Variants in KDM5A observed in about 807,000 individuals in gnomAD.
The protein encoded by KDM5A is lysine-specific demethylase 5A.
Under a neutral mutation model 193.5 loss-of-function variants are expected in KDM5A, and 42 were observed. The ratio of observed to expected loss-of-function variants is 0.22; its 90% CI spans 0.17 to 0.28. The LOEUF is 0.28. KDM5A is among the 10% of genes least tolerant of loss of function. The probability of loss-of-function intolerance (pLI) is 1.00; values close to 1 mark genes in which losing one functional copy is unlikely to be tolerated. For synonymous variants in KDM5A, 796 were observed against 718.1 expected (o/e 1.11, Z -1.73); for missense variants, 1,692 against 2,055.1 (o/e 0.82, Z 3.42).
intron 27 of KDM5A, among the ~76,000 whole-genome samples, chr12:287,062 C>T (rs1338883127): frequency 1.3e-5 from 2 of 152,122 alleles, no homozygotes; most frequent in Non-Finnish European, 2.9e-5. Context: ...ACACCTAATT[C>T]ACTGCCCAGG....
chr12:350,847 A>C, intron 9 of KDM5A, 68 bp from the exon 10 acceptor site: 1 of 1,382,030 alleles, frequency 7.2e-7, no homozygotes, highest in Non-Finnish European at 1.0e-6. Context: ...AACATAATAC[A>C]CAGGATCAAG....
rs144895374 is a variant in KDM5A at position 340,334 on chromosome 12, A to G, written c.1309-5912T>C. Among the ~76,000 whole-genome samples, 409 of 152,256 alleles carry G rather than the reference A, an allele frequency of 2.7e-3. 2 individuals carry two copies. Among genetic ancestry groups the G allele is most frequent in the African/African-American group, 7.2e-3 (299 of 41,560 alleles). On this transcript the variant is annotated intron_variant, in intron 10 of 27. Coordinates refer to ENST00000399788, the MANE Select transcript of KDM5A (RefSeq NM_001042603.3). The stretch of plus-strand genomic sequence containing the variant: ...GAAAGCAAATCCATTAGCCCCAGCC[A>G]AGCCTTGAAGAGACTGTATCCCATG...
At chr12:349,311 C>T (rs528326268) in intron 10 of KDM5A, among the ~76,000 whole-genome samples, 4 of 148,632 alleles carry the variant, frequency 2.7e-5, no homozygotes, top group South Asian at 4.2e-4. Flanking sequence ...TGAGCCCCCG[C>T]GCCCAGCCAT....
At chr12:345,622 C>T (rs1944062352) in intron 10 of KDM5A, among the ~76,000 whole-genome samples, 1 of 152,198 alleles carries the variant, frequency 6.6e-6, no homozygotes, top group South Asian at 2.1e-4. Flanking sequence ...CAAATCAAAA[C>T]CGCACAACTA....
intron 27 of KDM5A, among the ~76,000 whole-genome samples, chr12:291,418 T>C (rs1443308695): frequency 6.6e-6 from 1 of 152,214 alleles, no homozygotes; most frequent in Non-Finnish European, 1.5e-5. Context: ...GAGAACCTGG[T>C]CTGACAGCCA....
At chr12:386,034 T>C in intron 1 of KDM5A, 60 bp from the exon 2 acceptor site, 1 of 1,336,280 alleles carries the variant, frequency 7.5e-7, no homozygotes, top group Non-Finnish European at 1.1e-6. Context: ...ATGCATTAAT[T>C]ATTCCCTTAA....
intron 25 of KDM5A, 29 bp from the exon 26 acceptor site, chr12:295,822 CA>C (rs755238911): frequency 1.6e-5 from 26 of 1,590,380 alleles, no homozygotes; most frequent in East Asian, 1.1e-4. Context: ...TAAAACAAAG[CA>C]AAAAAAATTA....
At chr12:354,541 G>C (rs1407566354) in intron 7 of KDM5A, among the ~76,000 whole-genome samples, 1 of 152,160 alleles carries the variant, frequency 6.6e-6, no homozygotes, top group Admixed American at 6.5e-5. Flanking sequence ...GCCACAGTGG[G>C]CAGATCACGA....
At chr12:297,020 A>G in intron 25 of KDM5A, 21 bp downstream of exon 25, 1 of 1,612,096 alleles carries the variant, frequency 6.2e-7, no homozygotes, top group Non-Finnish European at 8.5e-7. Flanking sequence ...TGTTCCCCAC[A>G]GTTTTTTAAA....
chr12:333,866 A>C (rs551106441), intron 11 of KDM5A, among the ~76,000 whole-genome samples: 1 of 152,328 alleles, frequency 6.6e-6, no homozygotes, highest in South Asian at 2.1e-4. Context: ...TTATCACCAC[A>C]ATTAAAAAAG....
chr12:315,694 G>A (rs1943643455), intron 19 of KDM5A, among the ~76,000 whole-genome samples: 1 of 152,122 alleles, frequency 6.6e-6, no homozygotes, highest in Non-Finnish European at 1.5e-5. Flanking sequence ...GCATGACTGA[G>A]TTTGAGGATA....
At chr12:292,652 T>C in intron 27 of KDM5A, 107 bp downstream of exon 27, 2 of 1,407,702 alleles carry the variant, frequency 1.4e-6, no homozygotes, top group South Asian at 1.2e-5. Context: ...ATGTTGGAAG[T>C]CCAAATCCTA....
chr12:331,064 A>G (rs1160700688), intron 13 of KDM5A, among the ~76,000 whole-genome samples: 1 of 150,992 alleles, frequency 6.6e-6, no homozygotes. Flanking sequence ...TCAATATTAT[A>G]CTCTTTTAAA....
chr12:348,094 G>C (rs199676724), intron 10 of KDM5A, among the ~76,000 whole-genome samples: 2 of 152,228 alleles, frequency 1.3e-5, no homozygotes, highest in East Asian at 3.9e-4. Flanking sequence ...CCATCAAAAA[G>C]TGGGCAAAGG....
chr12:285,608 C>T lies in KDM5A; in HGVS notation c.4921G>A (p.Val1641Met). The T allele has an allele frequency of 6.2e-7, 1 of 1,614,068 alleles. No homozygotes were observed. The highest frequency in any genetic ancestry group is 8.5e-7 in the Non-Finnish European group (1 of 1,179,948). Residue 1641 changes from valine to methionine, a missense_variant, in exon 28 of 28, where the codon GTG becomes ATG. Val to Met is a conservative substitution (Grantham distance 21). This residue lies in a region of KDM5A where 23 missense variants were observed against 61.5 expected (regional missense o/e 0.37). Coordinates refer to ENST00000399788, the MANE Select transcript of KDM5A (RefSeq NM_001042603.3). ...TCAGCCATTTCTGGAGATACACCCA[C>T]ACAAACTTGATGAAACCACTCATCA... ...GCDEWFHQVC[V>M]GVSPEMAENE...
intron 3 of KDM5A, among the ~76,000 whole-genome samples, chr12:366,845 A>T (rs910784425): frequency 6.6e-6 from 1 of 152,246 alleles, no homozygotes; most frequent in Non-Finnish European, 1.5e-5. Flanking sequence ...GCACTGCATA[A>T]CATTTTGGTC....
intron 12 of KDM5A, 90 bp from the exon 13 acceptor site, chr12:332,028 A>C: frequency 8.0e-7 from 1 of 1,256,698 alleles, no homozygotes; most frequent in Non-Finnish European, 1.1e-6. Flanking sequence ...TTTCAGATGC[A>C]TTTTCTAAAA....
intron 8 of KDM5A, among the ~76,000 whole-genome samples, chr12:353,556 T>C (rs973968181): frequency 5.3e-5 from 8 of 152,136 alleles, no homozygotes; most frequent in African/African-American, 1.9e-4. Flanking sequence ...AACCAACAGT[T>C]AGAAAAAGAA....
In KDM5A at chr12:311,049, C is replaced by T. The variant is rs994813080; in HGVS notation, c.3052G>A (p.Ala1018Thr). The T allele has an allele frequency of 1.2e-6, 2 of 1,613,972 alleles. No homozygotes were observed. The highest frequency in any genetic ancestry group is 1.1e-5 in the South Asian group (1 of 91,084). ...VEAIQSGSNY[A>T]YLEQLESLSA... ...AAGCTCTCAAGCTGCTCCAAATAAG[C>T]GTAATTGCTGCCACTCTGAAAAACC... The change falls in exon 21 of 28, where the codon GCT (alanine) becomes ACT (threonine). Residue 1018 changes from alanine to threonine, a missense_variant. Ala to Thr is a moderately conservative substitution (Grantham distance 58). This residue lies in a region of KDM5A where 965 missense variants were observed against 1,061.0 expected (regional missense o/e 0.91). Transcript: ENST00000399788.
Sources: gnomAD v4.1 joint callset for allele counts (sites outside exome capture counted in the v4.1 genomes callset) on GRCh38, gnomAD v4.1.1 for gene constraint, gnomAD v4.1.1 regional missense constraint, MANE v1.5 for transcripts, NCBI Gene and HGNC (gene_info 2026-07-23, HGNC 2026-07-21) for gene names.